Variants in ADARB2 observed in about 807,000 individuals in gnomAD.
ADARB2 encodes inactive double-stranded RNA-specific editase B2.
In ADARB2, 25 loss-of-function variants were observed where a neutral mutation model predicts 62.2. The observed-to-expected ratio is 0.40, with a 90% CI of 0.29 to 0.56. ADARB2 has a LOEUF of 0.56. Among genes scored for constraint, ADARB2 ranks in the 20% least tolerant of loss-of-function variants. ADARB2 has a pLI of 0.43. For missense variants in ADARB2, 1,071 were observed against 1,077.4 expected (o/e 0.99, Z 0.08); for synonymous variants, 572 against 500.8 (o/e 1.14, Z -1.90).
intron 3 of ADARB2, among the ~76,000 whole-genome samples, chr10:1,273,661 G>A: frequency 6.6e-6 from 1 of 152,200 alleles, no homozygotes; most frequent in Non-Finnish European, 1.5e-5. Flanking sequence ...GATGCAGGGG[G>A]ACAGAGGCCC....
Position 1,350,934 on chromosome 10 carries a change from C to T in ADARB2, c.1077+12094G>A, listed in dbSNP as rs187284705. On this transcript the variant is annotated intron_variant, in intron 3 of 9. Transcript: ENST00000381312. The stretch of plus-strand genomic sequence containing the variant: ...TTGCATCCACTGTGAGACAAACCCC[C>T]GCCATATCTCCAGCACGCAAGAACT... 3.7e-3 allele frequency among the ~76,000 whole-genome samples: 564 copies of T among 152,308 alleles called. 3 individuals carry two copies. The highest frequency in any genetic ancestry group is 6.2e-3 in the Non-Finnish European group (422 of 68,024).
At chr10:1,603,343 C>T (rs186049589) in intron 1 of ADARB2, among the ~76,000 whole-genome samples, 19 of 152,318 alleles carry the variant, frequency 1.2e-4, no homozygotes, top group South Asian at 4.1e-4. Flanking sequence ...GAAGCAGCAC[C>T]GGCTTGGAGC....
intron 1 of ADARB2, chr10:1,678,372 A>G (rs1233478492): frequency 1.0e-6 from 1 of 982,734 alleles, no homozygotes; most frequent in East Asian, 1.1e-4. Flanking sequence ...CCTCGGGGTG[A>G]GCATCCTCGG....
intron 4 of ADARB2, among the ~76,000 whole-genome samples, chr10:1,258,996 C>T (rs1184738802): frequency 1.3e-5 from 2 of 152,204 alleles, no homozygotes; most frequent in Non-Finnish European, 2.9e-5. Flanking sequence ...TTAAGAAACT[C>T]AGTCAAAACT....
At position 1,737,479 on chromosome 10, in the gene ADARB2, G is replaced by C. The variant is rs758510578; in HGVS notation, c.-329C>G. On this transcript the variant is annotated 5_prime_UTR_variant, in exon 1 of 10. Transcript: ENST00000381312. ...TCCTGCTCTGGGCTCCCAGCGCAGG[G>C]AGGCTACTTTTGCGCCTCTGCTAGT... 3.0e-6 allele frequency: 1 copy of C among 332,742 alleles called. No individual in the cohort carries two copies. The allele number at this position is 332,742 out of a possible 1,614,324, so 20.6% of individuals were successfully genotyped here. A position where few individuals can be genotyped will look rare whatever the true frequency, so the allele number is the denominator to read the frequency against.
intron 3 of ADARB2, among the ~76,000 whole-genome samples, chr10:1,333,105 C>T (rs1386616481): frequency 6.6e-6 from 1 of 152,210 alleles, no homozygotes; most frequent in East Asian, 1.9e-4. Context: ...GAGAAAAGTG[C>T]TTGATCCGTT....
intron 1 of ADARB2, among the ~76,000 whole-genome samples, chr10:1,447,276 T>G (rs1830981658): frequency 2.6e-5 from 4 of 152,242 alleles, no homozygotes; most frequent in Admixed American, 2.6e-4. Flanking sequence ...GAGATTATCC[T>G]GGAAAAATTA....
rs192745464 is a variant in ADARB2 at position 1,345,823 on chromosome 10, C to T, written c.1077+17205G>A. 1.1e-3 allele frequency among the ~76,000 whole-genome samples: 160 copies of T among 152,244 alleles called. 1 individual carries two copies. The highest frequency in any genetic ancestry group is 1.9e-3 in the Non-Finnish European group (127 of 68,018). On this transcript the variant is annotated intron_variant, in intron 3 of 9. Transcript: ENST00000381312. ...ACAACTTTGCATGGATGCTGCAGGC[C>T]GACACGTGTGCTTGATGGAAGGATA...
chr10:1,675,638 G>C (rs758163470), intron 1 of ADARB2, among the ~76,000 whole-genome samples: 15 of 151,724 alleles, frequency 9.9e-5, no homozygotes, highest in Admixed American at 7.2e-4. Context: ...GGAGGTTTGG[G>C]TTCAGGGATG....
chr10:1,325,231 G>A (rs571265469), intron 3 of ADARB2, among the ~76,000 whole-genome samples: 4 of 152,276 alleles, frequency 2.6e-5, no homozygotes, highest in East Asian at 3.9e-4. Flanking sequence ...CTACCGGGGG[G>A]TCCCTCCTCA....
intron 1 of ADARB2, among the ~76,000 whole-genome samples, chr10:1,429,677 T>C (rs111903060): frequency 1.3e-3 from 198 of 152,348 alleles, no homozygotes; most frequent in African/African-American, 4.1e-3. Flanking sequence ...TAAATGAAGA[T>C]GCATTAGATA....
intron 1 of ADARB2, among the ~76,000 whole-genome samples, chr10:1,594,946 C>A (rs1197812678): frequency 6.6e-6 from 1 of 152,186 alleles, no homozygotes; most frequent in Non-Finnish European, 1.5e-5. Context: ...CCCACTGCCT[C>A]CCCCATCTCT....
At chr10:1,544,515 C>T (rs1036331988) in intron 1 of ADARB2, among the ~76,000 whole-genome samples, 30 of 152,198 alleles carry the variant, frequency 2.0e-4, no homozygotes, top group Non-Finnish European at 1.8e-4. Flanking sequence ...CAGCCAGAGT[C>T]GTCACGGCAG....
At position 1,520,729 on chromosome 10, in the gene ADARB2, T is replaced by C. The variant is rs918251997; in HGVS notation, c.101-141569A>G. On this transcript the variant is annotated intron_variant, in intron 1 of 9. Transcript: ENST00000381312. ...ATTCTGTGTGCATTTTTGGCTAATA[T>C]GTATCACCTCCTATGATAAGAAAAT... 3.9e-5 allele frequency among the ~76,000 whole-genome samples: 6 copies of C among 152,226 alleles called. 1 individual carries two copies. The highest frequency in any genetic ancestry group is 2.6e-4 in the Admixed American group (4 of 15,280).
At position 1,242,297 on chromosome 10, in the gene ADARB2, G is replaced by C. The variant is rs950277767; in HGVS notation, c.1195C>G (p.Leu399Val). ...ACGACCTGCGCCTGCCGAGCATCCAGGCCTGGGGACACAGATAGCATCAGA... is the reference window on the plus strand; with the variant it reads ...ACGACCTGCGCCTGCCGAGCATCCACGCCTGGGGACACAGATAGCATCAGA... ...ALAGIVMTKG[L>V]DARQAQVVAL... Residue 399 changes from leucine (L) to valine (V), a missense_variant and splice_region_variant, in exon 5 of 10, where the codon CTG (leucine) becomes GTG (valine). Transcript: ENST00000381312. 1.3e-6 allele frequency: 2 copies of C among 1,555,000 alleles called. No individual in the cohort carries two copies. The highest frequency in any genetic ancestry group is 1.7e-6 in the Non-Finnish European group (2 of 1,151,586).
At chr10:1,370,473 A>G (rs1393262048) in intron 2 of ADARB2, among the ~76,000 whole-genome samples, 1 of 152,232 alleles carries the variant, frequency 6.6e-6, no homozygotes, top group East Asian at 1.9e-4. Context: ...AGAAAGAAAT[A>G]AAAGACATCC....
Position 1,621,098 on chromosome 10 carries a change from C to G in ADARB2, c.100+115953G>C, listed in dbSNP as rs116199113. 3.7e-3 allele frequency among the ~76,000 whole-genome samples: 561 copies of G among 152,280 alleles called. 5 individuals are homozygous for G. The highest frequency in any genetic ancestry group is 0.013 in the African/African-American group (547 of 41,550). The stretch of plus-strand genomic sequence containing the variant: ...TGAATTCAACAGTATACTGCTGGTC[C>G]TTGCAAGTATGAGAACAAAACAAAC... On this transcript the variant is annotated intron_variant, in intron 1 of 9. Transcript: ENST00000381312.
At position 1,477,842 on chromosome 10, in the gene ADARB2, G is replaced by C. The variant is rs570140876; in HGVS notation, c.101-98682C>G. 6.6e-6 allele frequency among the ~76,000 whole-genome samples: 1 copy of C among 152,206 alleles called. No individual in the cohort carries two copies. The highest frequency in any genetic ancestry group is 1.5e-5 in the Non-Finnish European group (1 of 68,030). On this transcript the variant is annotated intron_variant, in intron 1 of 9. Transcript: ENST00000381312. The surrounding 1 kb of genome is among the most constrained non-coding windows in gnomAD (Gnocchi z 4.5). ...CACATGTCTTTAACAATCCTGTGGC[G>C]GGCAGGTGCCTCCCCAGAACGCTTC...
intron 1 of ADARB2, among the ~76,000 whole-genome samples, chr10:1,716,499 T>C (rs1330998883): frequency 6.6e-6 from 1 of 152,220 alleles, no homozygotes; most frequent in Non-Finnish European, 1.5e-5. Flanking sequence ...ATTGCATTGA[T>C]TGCTAATATT....
Sources: gnomAD v4.1 joint callset for allele counts (sites outside exome capture counted in the v4.1 genomes callset) on GRCh38, gnomAD v4.1.1 for gene constraint, Gnocchi (gnomAD v3.1) non-coding constraint, MANE v1.5 for transcripts, NCBI Gene and HGNC (gene_info 2026-07-23, HGNC 2026-07-21) for gene names.